The following PIWIL2 variants were observed in gnomAD, a reference collection of about 807,000 sequenced individuals.
PIWIL2 encodes piwi like RNA-mediated gene silencing 2.
In PIWIL2, 81 loss-of-function variants were observed where a neutral mutation model predicts 116.5. The ratio of observed to expected loss-of-function variants is 0.70; its 90% CI spans 0.58 to 0.84. The LOEUF (loss-of-function observed/expected upper bound fraction) is 0.84. Ranked by LOEUF, PIWIL2 falls within the 40% of genes least tolerant of loss-of-function variation. PIWIL2 has a pLI of 0.00. For missense variants in PIWIL2, 1,272 were observed against 1,212.3 expected, an observed-to-expected ratio of 1.05 and a Z score of -0.73; for synonymous variants, 489 against 429.5, an observed-to-expected ratio of 1.14 and a Z score of -1.71.
In PIWIL2 at chr8:22,290,226, T is replaced by C; in HGVS notation, c.1068-7T>C. ...AATCCTACAGTTGAGACCACCTCTCTCTCCAGATTGCAGATCTGGCCAGGC... is the reference window on the plus strand; with the variant it reads ...AATCCTACAGTTGAGACCACCTCTCCCTCCAGATTGCAGATCTGGCCAGGC... On this transcript the variant is annotated splice_polypyrimidine_tract_variant and splice_region_variant and intron_variant, in intron 9 of 22. Coordinates refer to ENST00000356766, the MANE Select transcript of PIWIL2 (RefSeq NM_018068.5). The C allele has an allele frequency of 6.4e-7, 1 of 1,565,484 alleles. No homozygotes were observed. Among genetic ancestry groups the C allele is most frequent in the Middle Eastern group, 1.7e-4 (1 of 5,962 alleles).
chr8:22,316,761 C>T lies in PIWIL2; in HGVS notation c.2297+428C>T, dbSNP rs902060179. 3.3e-5 allele frequency among the ~76,000 whole-genome samples: 5 copies of T among 151,782 alleles called. No individual in the cohort carries two copies. In the East Asian group the frequency reaches 5.8e-4, roughly 18 times the overall value. On this transcript the variant is annotated intron_variant, in intron 19 of 22. Transcript: ENST00000356766. ...CCTCCCACAGTGCTTGGATTACAGG[C>T]GTGAGCCATCATGCCCGGCTATGAA...
In PIWIL2 at chr8:22,302,593, T is replaced by C. The variant is rs553790755; in HGVS notation, c.1182-1428T>C. Among the ~76,000 whole-genome samples the C allele has an allele frequency of 7.7e-4, 117 of 152,326 alleles. 1 individual carries two copies. Among genetic ancestry groups the C allele is most frequent in the African/African-American group, 2.6e-3 (109 of 41,574 alleles). ...TGCTCGGTTTTTCCTTATTATCATT[T>C]TTTAACCTGGCTTCCTAGTGATCAC... On this transcript the variant is annotated intron_variant, in intron 10 of 22. Transcript: ENST00000356766.
chr8:22,309,999 A>G lies in PIWIL2; in HGVS notation c.1725A>G (p.Leu575=), dbSNP rs1170538485. 3 of 1,611,080 alleles carry G rather than the reference A, an allele frequency of 1.9e-6. No individual in the cohort carries two copies. In the East Asian group the frequency reaches 6.7e-5, roughly 36 times the overall value. ...TTCTGCCAATGGAAAGAATTAACTT[A>G]AAAAATACTTCGTTTATCACATCTC... ...GRVLPMERIN[L]KNTSFITSQE... Residue 575 remains leucine (L), a synonymous_variant, in exon 15 of 23, where the codon TTA becomes TTG. Coordinates refer to ENST00000356766, the MANE Select transcript of PIWIL2 (RefSeq NM_018068.5).
At chr8:22,277,719 G>A (rs1370466699) in intron 1 of PIWIL2, among the ~76,000 whole-genome samples, 5 of 151,996 alleles carry the variant, frequency 3.3e-5, no homozygotes, top group African/African-American at 9.7e-5. Context: ...ATAGAGATTC[G>A]GAGAAGCAGC....
At chr8:22,312,024 G>C (rs1831344572) in intron 16 of PIWIL2, among the ~76,000 whole-genome samples, 1 of 152,058 alleles carries the variant, frequency 6.6e-6, no homozygotes, top group Admixed American at 6.6e-5. Flanking sequence ...AGCACGTTGG[G>C]ATGCTGAGGT....
At chr8:22,335,016 C>G (rs550286267) in intron 20 of PIWIL2, among the ~76,000 whole-genome samples, 1 of 148,994 alleles carries the variant, frequency 6.7e-6, no homozygotes, top group African/African-American at 2.5e-5. Context: ...CATTGTGCCA[C>G]TGCACTCTAG....
intron 20 of PIWIL2, among the ~76,000 whole-genome samples, chr8:22,340,110 T>C (rs1033011006): frequency 1.9e-4 from 25 of 132,988 alleles, no homozygotes; most frequent in African/African-American, 7.0e-4. Flanking sequence ...TGAAGTGCAA[T>C]GGTGCAATCT....
intron 15 of PIWIL2, 34 bp downstream of exon 15, chr8:22,310,108 A>T: frequency 1.8e-6 from 2 of 1,112,422 alleles, no homozygotes; most frequent in Non-Finnish European, 2.7e-6. Flanking sequence ...AGAGAGGACC[A>T]GTATTCCCCA....
intron 10 of PIWIL2, among the ~76,000 whole-genome samples, chr8:22,298,807 G>C (rs563162128): frequency 6.6e-6 from 1 of 152,328 alleles, no homozygotes; most frequent in South Asian, 2.1e-4. Context: ...TGGACAAGTA[G>C]GTCAGCATCT....
intron 20 of PIWIL2, among the ~76,000 whole-genome samples, chr8:22,334,780 G>C (rs1353634297): frequency 6.6e-6 from 1 of 152,086 alleles, no homozygotes; most frequent in Non-Finnish European, 1.5e-5. Flanking sequence ...ATTTTAGCCA[G>C]GTGCGGTGGC....
chr8:22,281,113 T>G lies in PIWIL2; in HGVS notation c.199-7T>G. Reference sequence around the variant, plus strand: ...CTCTTAGAACTTTATTCTTTGACTTTCCACAGGAGTCTGTGGGTTTGGTCT... The same window carrying G: ...CTCTTAGAACTTTATTCTTTGACTTGCCACAGGAGTCTGTGGGTTTGGTCT... On this transcript the variant is annotated splice_polypyrimidine_tract_variant and splice_region_variant and intron_variant, in intron 2 of 22. Coordinates refer to ENST00000356766, the MANE Select transcript of PIWIL2 (RefSeq NM_018068.5). The G allele has an allele frequency of 6.3e-7, 1 of 1,588,250 alleles. No individual in the cohort carries two copies. Among genetic ancestry groups the G allele is most frequent in the Non-Finnish European group, 8.6e-7 (1 of 1,164,688 alleles).
chr8:22,303,443 G>A (rs1831099621), intron 10 of PIWIL2, among the ~76,000 whole-genome samples: 1 of 152,168 alleles, frequency 6.6e-6, no homozygotes, highest in Non-Finnish European at 1.5e-5. Context: ...CCAGGATGGA[G>A]TGCAGTGATG....
At chr8:22,310,444 A>G (rs1459834279) in intron 15 of PIWIL2, among the ~76,000 whole-genome samples, 1 of 152,186 alleles carries the variant, frequency 6.6e-6, no homozygotes, top group Admixed American at 6.5e-5. Flanking sequence ...GGAACTAATA[A>G]TACACTAGCT....
chr8:22,328,580 A>G (rs906384433), intron 20 of PIWIL2, among the ~76,000 whole-genome samples: 2 of 152,074 alleles, frequency 1.3e-5, no homozygotes, highest in African/African-American at 2.4e-5. Context: ...ATGTCTTTCT[A>G]TTTATTTAGA....
chr8:22,317,767 C>G (rs1831497092), intron 19 of PIWIL2, among the ~76,000 whole-genome samples: 2 of 152,106 alleles, frequency 1.3e-5, no homozygotes, highest in South Asian at 4.1e-4. Context: ...TCACGCCATT[C>G]TCCTGCCTCA....
intron 10 of PIWIL2, among the ~76,000 whole-genome samples, chr8:22,298,424 C>T (rs1231266877): frequency 1.3e-5 from 2 of 152,166 alleles, no homozygotes; most frequent in African/African-American, 2.4e-5. Flanking sequence ...GATTGGCTTA[C>T]ATAAAGACCT....
At chr8:22,323,131 G>A (rs1325432267) in intron 20 of PIWIL2, among the ~76,000 whole-genome samples, 4 of 136,994 alleles carry the variant, frequency 2.9e-5, no homozygotes, top group Non-Finnish European at 6.1e-5. Flanking sequence ...CTAGGGCTAG[G>A]ATAGTCTTGA....
intron 10 of PIWIL2, among the ~76,000 whole-genome samples, chr8:22,302,576 T>G (rs910661464): frequency 1.3e-5 from 2 of 152,084 alleles, no homozygotes; most frequent in African/African-American, 4.8e-5. Flanking sequence ...TTTGCTCGGT[T>G]TTTCCTTATT....
At chr8:22,354,749 A>G (rs1011460378) in intron 22 of PIWIL2, among the ~76,000 whole-genome samples, 1 of 152,190 alleles carries the variant, frequency 6.6e-6, no homozygotes, top group African/African-American at 2.4e-5. Flanking sequence ...GTAAACAAGA[A>G]ATATTTTCTC....
Sources: gnomAD v4.1 joint callset for allele counts (sites outside exome capture counted in the v4.1 genomes callset) on GRCh38, gnomAD v4.1.1 for gene constraint, MANE v1.5 for transcripts, NCBI Gene and HGNC (gene_info 2026-07-23, HGNC 2026-07-21) for gene names.